FRMD3: variants seen among roughly 807,000 people sequenced by gnomAD.
The protein encoded by FRMD3 is FERM domain containing 3, also known as FERM domain-containing protein 3.
In FRMD3, 33 loss-of-function variants were observed where a neutral mutation model predicts 70.2. That is an observed-to-expected ratio of 0.47 (90% CI 0.36 to 0.63). FRMD3 has a LOEUF of 0.63. FRMD3 is among the 20% of genes least tolerant of loss of function. FRMD3 has a pLI of 0.00. For missense variants in FRMD3, 632 were observed against 711.4 expected (o/e 0.89, Z 1.27); for synonymous variants, 279 against 255.9 (o/e 1.09, Z -0.86).
chr9:83,406,869 A>G (rs190299879), intron 1 of FRMD3, among the ~76,000 whole-genome samples: 102 of 152,242 alleles, frequency 6.7e-4, no homozygotes, highest in Admixed American at 9.8e-4. Context: ...TTTCTGTTTA[A>G]TTTATTTTCC....
the FRMD3 span, among the ~76,000 whole-genome samples, chr9:83,582,619 T>A: frequency 6.6e-6 from 1 of 152,184 alleles, no homozygotes; most frequent in Non-Finnish European, 1.5e-5. Context: ...CATAGCAGAA[T>A]CTGTTAACCT....
chr9:83,396,068 G>T (rs1219736125), intron 1 of FRMD3, among the ~76,000 whole-genome samples: 3 of 152,188 alleles, frequency 2.0e-5, no homozygotes, highest in Non-Finnish European at 4.4e-5. Context: ...TCATGTTACA[G>T]ATGAGGAAAA....
chr9:83,263,700 A>G (rs1323782), intron 13 of FRMD3, among the ~76,000 whole-genome samples: 21,713 of 152,236 alleles, frequency 0.14, 1,592 homozygotes, highest in Admixed American at 0.16. Flanking sequence ...AGGACAATTA[A>G]TAAGAGTTTA....
Position 83,537,563 on chromosome 9 carries a change from G to A in FRMD3, c.147+522C>T, listed in dbSNP as rs567978561. The stretch of plus-strand genomic sequence containing the variant: ...CCACGCGGAGAACTAAAGACCACCG[G>A]CGGAGGGTGAGGGGGACCGACACGG... On this transcript the variant is annotated intron_variant, in intron 1 of 13. Coordinates refer to ENST00000304195, the MANE Select transcript of FRMD3 (RefSeq NM_174938.6). This position sits in a 1 kb window ranked among gnomAD's most constrained non-coding sequence, Gnocchi z 4.1. 3.3e-5 allele frequency among the ~76,000 whole-genome samples: 5 copies of A among 152,346 alleles called. No individual in the cohort carries two copies. The South Asian group carries it at 8.3e-4, about 25-fold the overall frequency.
At chr9:83,448,590 A>G (rs1193209929) in intron 1 of FRMD3, among the ~76,000 whole-genome samples, 3 of 152,068 alleles carry the variant, frequency 2.0e-5, no homozygotes, top group Admixed American at 1.3e-4. Flanking sequence ...CCAAAGCTCC[A>G]CTGTATCTCA....
At chr9:83,274,795 A>G (rs1833742176) in intron 13 of FRMD3, among the ~76,000 whole-genome samples, 1 of 152,240 alleles carries the variant, frequency 6.6e-6, no homozygotes, top group Non-Finnish European at 1.5e-5. Context: ...GCAGGAGTTC[A>G]GGGGATGGGC....
intron 1 of FRMD3, among the ~76,000 whole-genome samples, chr9:83,522,816 GC>G (rs1283578396): frequency 6.6e-6 from 1 of 152,006 alleles, no homozygotes; most frequent in Non-Finnish European, 1.5e-5. Flanking sequence ...GCCCGCCTCG[GC>G]CTCCCAAAGC....
the FRMD3 span, among the ~76,000 whole-genome samples, chr9:83,556,200 T>C: frequency 3.9e-4 from 59 of 151,278 alleles, 4 homozygotes; most frequent in African/African-American, 1.4e-3. Context: ...ACTAGCCTTT[T>C]GAAAAAAAAA....
At chr9:83,361,151 A>G (rs1824570218) in intron 3 of FRMD3, among the ~76,000 whole-genome samples, 1 of 152,256 alleles carries the variant, frequency 6.6e-6, no homozygotes, top group Non-Finnish European at 1.5e-5. Context: ...AAAGGCATCC[A>G]AAACTAAACC....
At chr9:83,531,794 A>G (rs1829796769) in intron 1 of FRMD3, among the ~76,000 whole-genome samples, 1 of 152,208 alleles carries the variant, frequency 6.6e-6, no homozygotes, top group South Asian at 2.1e-4. Context: ...AGTACTCTGT[A>G]TTTGGGTGAT....
chr9:83,455,848 A>C (rs1564086343), intron 1 of FRMD3, among the ~76,000 whole-genome samples: 1 of 152,342 alleles, frequency 6.6e-6, no homozygotes, highest in East Asian at 1.9e-4. Flanking sequence ...GTGCATGTAG[A>C]CAGCAGATAG....
chr9:83,360,711 T>C (rs938620598), intron 3 of FRMD3, among the ~76,000 whole-genome samples: 1 of 152,196 alleles, frequency 6.6e-6, no homozygotes, highest in East Asian at 1.9e-4. Context: ...CTGCACACAC[T>C]ACTGCACCCA....
intron 1 of FRMD3, among the ~76,000 whole-genome samples, chr9:83,442,766 T>C (rs891745199): frequency 6.6e-6 from 1 of 151,882 alleles, no homozygotes; most frequent in Non-Finnish European, 1.5e-5. Context: ...AGAGTCCACA[T>C]ACATCCTGTG....
intron 1 of FRMD3, among the ~76,000 whole-genome samples, chr9:83,402,547 TG>T (rs896898352): frequency 1.2e-4 from 18 of 151,912 alleles, no homozygotes; most frequent in African/African-American, 4.4e-4. Flanking sequence ...AGCTAGGCTT[TG>T]CTGGGGTAGG....
the FRMD3 span, among the ~76,000 whole-genome samples, chr9:83,565,577 T>C: frequency 6.6e-6 from 1 of 152,150 alleles, no homozygotes; most frequent in African/African-American, 2.4e-5. Flanking sequence ...TGAGACACAT[T>C]TACACCTGCA....
At position 83,461,272 on chromosome 9, in the gene FRMD3, C is replaced by A. The variant is rs373390870; in HGVS notation, c.148-71564G>T. ...CTGGCTTTGAAGATGGAGGCAGGGG[C>A]CACAAGCCAAGGAATGCAAGTAACC... On this transcript the variant is annotated intron_variant, in intron 1 of 13. Transcript: ENST00000304195. Among the ~76,000 whole-genome samples the A allele has an allele frequency of 3.3e-5, 5 of 152,082 alleles. No homozygotes were observed. In the East Asian group the frequency reaches 5.8e-4, roughly 18 times the overall value.
chr9:83,382,353 C>G (rs13299648), intron 2 of FRMD3, among the ~76,000 whole-genome samples: 110,604 of 152,154 alleles, frequency 0.73, 40,473 homozygotes, highest in African/African-American at 0.79. Flanking sequence ...TGTGACTTAG[C>G]TCTTTTAAAC....
Position 83,246,099 on chromosome 9 carries a change from T to C in FRMD3, c.*1819A>G. On this transcript the variant is annotated 3_prime_UTR_variant, in exon 14 of 14. Coordinates refer to ENST00000304195, the MANE Select transcript of FRMD3 (RefSeq NM_174938.6). ...CTCATTTCCAAAATTAAATGTCCAG[T>C]GAAGTACTCAGAGCTCCACTGAGTG... 1.0e-6 allele frequency: 1 copy of C among 985,314 alleles called. No homozygotes were observed. Among genetic ancestry groups the C allele is most frequent in the Non-Finnish European group, 1.2e-6 (1 of 829,882 alleles). 61.0% of individuals were successfully genotyped at this position (985,314 alleles called of 1,614,324 possible). A position where few individuals can be genotyped will look rare whatever the true frequency, so the allele number is the denominator to read the frequency against.
chr9:83,559,203 A>G, the FRMD3 span, among the ~76,000 whole-genome samples: 1 of 152,346 alleles, frequency 6.6e-6, no homozygotes, highest in African/African-American at 2.4e-5. Context: ...AGAAAGGAAG[A>G]GTCCATTGAT....
Sources: gnomAD v4.1 joint callset for allele counts (sites outside exome capture counted in the v4.1 genomes callset) on GRCh38, gnomAD v4.1.1 for gene constraint, Gnocchi (gnomAD v3.1) non-coding constraint, MANE v1.5 for transcripts, NCBI Gene and HGNC (gene_info 2026-07-23, HGNC 2026-07-21) for gene names.